The following ABCA13 variants were observed in gnomAD, a reference collection of about 807,000 sequenced individuals.
ABCA13 encodes ATP binding cassette subfamily A member 13.
A neutral mutation model predicts 478.7 loss-of-function variants in ABCA13; 476 were observed. The ratio of observed to expected loss-of-function variants is 0.99; its 90% CI spans 0.92 to 1.07. The LOEUF (loss-of-function observed/expected upper bound fraction) is 1.07, where lower values mean the gene tolerates loss of function less well. Among genes scored for constraint, ABCA13 ranks in the 50% least tolerant of loss-of-function variants. The pLI, the probability that ABCA13 is intolerant of heterozygous loss-of-function variation, is 0.00. For synonymous variants in ABCA13, 2,252 were observed against 2,158.9 expected (o/e 1.04, Z -1.20); for missense variants, 6,060 against 5,910.6 (o/e 1.03, Z -0.83).
At chr7:48,435,987 G>A (rs76443527) in intron 42 of ABCA13, among the ~76,000 whole-genome samples, 2 of 145,552 alleles carry the variant, frequency 1.4e-5, no homozygotes, top group South Asian at 2.1e-4. Flanking sequence ...TTTTTTTTTG[G>A]TAGTTCCTTT....
chr7:48,249,398 T>C (rs1792190756), intron 15 of ABCA13, 47 bp downstream of exon 15: 3 of 1,603,226 alleles, frequency 1.9e-6, no homozygotes, highest in Non-Finnish European at 2.6e-6. Context: ...CTTTCCCCTT[T>C]TAGTGAGGTG....
chr7:48,412,478 G>C lies in ABCA13; in HGVS notation c.12354G>C (p.Lys4118Asn), dbSNP rs781197812. 67 of 1,613,480 alleles carry C rather than the reference G, an allele frequency of 4.2e-5. No homozygotes were observed. The South Asian group carries it at 7.2e-4, about 17-fold the overall frequency. ...SGSELTYTIP[K>N]DTDKACLKGL... ...GTGAGCTGACCTACACCATTCCAAA[G>C]GACACAGACAAGGCCTGCTTGAAAG... The change falls in exon 41 of 62, where the codon AAG becomes AAC. Residue 4118 changes from lysine to asparagine, a missense_variant. Lys to Asn is a moderately conservative substitution (Grantham distance 94). Transcript: ENST00000435803.
intron 1 of ABCA13, among the ~76,000 whole-genome samples, chr7:48,187,949 T>C (rs1211409755): frequency 5.3e-5 from 8 of 152,240 alleles, no homozygotes; most frequent in African/African-American, 1.7e-4. Flanking sequence ...AGATAGCAGC[T>C]GTGCTCTTTG....
intron 39 of ABCA13, among the ~76,000 whole-genome samples, chr7:48,408,221 TC>T (rs1818516182): frequency 6.6e-6 from 1 of 152,184 alleles, no homozygotes; most frequent in Non-Finnish European, 1.5e-5. Flanking sequence ...AACTAACATC[TC>T]CCTCCTTCTC....
intron 27 of ABCA13, among the ~76,000 whole-genome samples, chr7:48,333,517 A>G (rs748813286): frequency 1.3e-5 from 2 of 152,146 alleles, no homozygotes; most frequent in Non-Finnish European, 1.5e-5. Context: ...GTGGTTTTCA[A>G]TTGTATCATG....
chr7:48,206,284 G>A (rs748646063), intron 3 of ABCA13, among the ~76,000 whole-genome samples: 1 of 152,154 alleles, frequency 6.6e-6, no homozygotes, highest in Non-Finnish European at 1.5e-5. Flanking sequence ...TATCTTAACT[G>A]TACTTTATAA....
chr7:48,261,796 T>C (rs1483089591), intron 15 of ABCA13, among the ~76,000 whole-genome samples: 1 of 152,002 alleles, frequency 6.6e-6, no homozygotes, highest in Non-Finnish European at 1.5e-5. Context: ...CTGTCTTTTA[T>C]GTGTAAACTT....
chr7:48,178,399 G>C (rs1795173761), intron 1 of ABCA13, among the ~76,000 whole-genome samples: 1 of 152,168 alleles, frequency 6.6e-6, no homozygotes, highest in African/African-American at 2.4e-5. Flanking sequence ...TAGTGGCCGG[G>C]CATGGTGGCT....
chr7:48,396,474 C>A (rs1405993853), intron 38 of ABCA13, among the ~76,000 whole-genome samples: 2 of 152,170 alleles, frequency 1.3e-5, no homozygotes, highest in Non-Finnish European at 2.9e-5. Flanking sequence ...TGGTGCCATG[C>A]AGCTCGGAGA....
intron 58 of ABCA13, chr7:48,603,712 A>C (rs1365892681): frequency 5.2e-6 from 1 of 191,286 alleles, no homozygotes. Flanking sequence ...TTTTTCTGCC[A>C]GGTTTTGGTA....
intron 55 of ABCA13, among the ~76,000 whole-genome samples, chr7:48,550,910 T>G (rs898791253): frequency 2.0e-5 from 3 of 151,612 alleles, no homozygotes; most frequent in African/African-American, 7.2e-5. Flanking sequence ...ACTGAAAATT[T>G]TTTTTACCTT....
At chr7:48,627,312 G>C (rs1337290519) in intron 59 of ABCA13, among the ~76,000 whole-genome samples, 1 of 152,046 alleles carries the variant, frequency 6.6e-6, no homozygotes, top group Non-Finnish European at 1.5e-5. Context: ...ATGTATAACT[G>C]ACTAAAGAAC....
intron 20 of ABCA13, among the ~76,000 whole-genome samples, chr7:48,290,309 C>T (rs1798328242): frequency 6.6e-6 from 1 of 152,236 alleles, no homozygotes; most frequent in Non-Finnish European, 1.5e-5. Flanking sequence ...CTCTCTAGAT[C>T]TAGACCTTTG....
chr7:48,362,409 C>CTTTTTTTTTTTTTTTTTTTTTTTTT (rs35795708), intron 31 of ABCA13, among the ~76,000 whole-genome samples: 2 of 86,012 alleles, frequency 2.3e-5, no homozygotes, highest in Non-Finnish European at 4.4e-5. Context: ...TCCTCTTCTT[C>CTTTTTTTTTTTTTTTTTTTTTTTTT]TTTTTTTTTT....
At chr7:48,177,605 C>T (rs951603207) in intron 1 of ABCA13, among the ~76,000 whole-genome samples, 3 of 152,192 alleles carry the variant, frequency 2.0e-5, no homozygotes, top group Admixed American at 6.5e-5. Context: ...ATTCTCGTTT[C>T]CAGCACTTAC....
intron 59 of ABCA13, chr7:48,627,062 T>A: frequency 1.0e-6 from 1 of 985,110 alleles, no homozygotes; most frequent in South Asian, 4.7e-5. Flanking sequence ...CTGCATTTAT[T>A]TTAATTATTA....
chr7:48,178,633 C>T (rs963372492), intron 1 of ABCA13, among the ~76,000 whole-genome samples: 4 of 151,364 alleles, frequency 2.6e-5, no homozygotes, highest in Non-Finnish European at 5.9e-5. Flanking sequence ...CGAGCTCGCA[C>T]CATTGCACTC....
chr7:48,449,002 C>G (rs1824649512), intron 42 of ABCA13, among the ~76,000 whole-genome samples: 1 of 151,986 alleles, frequency 6.6e-6, no homozygotes, highest in Admixed American at 6.6e-5. Context: ...ACAACCACGC[C>G]CAGCTAATTT....
chr7:48,205,456 G>C (rs1784805166), intron 3 of ABCA13, among the ~76,000 whole-genome samples: 1 of 152,166 alleles, frequency 6.6e-6, no homozygotes. Context: ...TCTCCAACTT[G>C]TTATAGCCCC....
Sources: gnomAD v4.1 joint callset for allele counts (sites outside exome capture counted in the v4.1 genomes callset) on GRCh38, gnomAD v4.1.1 for gene constraint, MANE v1.5 for transcripts, NCBI Gene and HGNC (gene_info 2026-07-23, HGNC 2026-07-21) for gene names.